The following USP4 variants were observed in gnomAD, a reference collection of about 807,000 sequenced individuals.
The protein encoded by USP4 is ubiquitin specific peptidase 4.
Under a neutral mutation model 118.2 loss-of-function variants are expected in USP4, and 72 were observed. The ratio of observed to expected loss-of-function variants is 0.61; its 90% CI spans 0.50 to 0.74. The LOEUF is 0.74. USP4 is among the 30% of genes least tolerant of loss of function. The pLI, the probability that USP4 is intolerant of heterozygous loss-of-function variation, is 0.00. For missense variants in USP4, 1,037 were observed against 1,185.7 expected (o/e 0.87, Z 1.84); for synonymous variants, 415 against 440.4 (o/e 0.94, Z 0.72).
chr3:49,284,071 T>C lies in USP4; in HGVS notation c.2456A>G (p.Lys819Arg). 5 of 1,614,262 alleles carry C rather than the reference T, an allele frequency of 3.1e-6. No individual in the cohort carries two copies. The highest frequency in any genetic ancestry group is 4.2e-6 in the Non-Finnish European group (5 of 1,180,048). The change falls in exon 19 of 22, where the codon AAG becomes AGG. Residue 819 changes from lysine (K) to arginine (R), a missense_variant. Physicochemically the swap from Lys to Arg is conservative, Grantham distance 26. Transcript: ENST00000265560. ...TKKFDLWSLP[K>R]ILVVHLKRFS... is the part of the protein sequence containing the mutation. The stretch of plus-strand genomic sequence containing the variant: ...ACGTTTGAGGTGGACCACCAGGATC[T>C]TGGGCAAGGACCATAGGTCAAACTT...
At chr3:49,319,972 C>T (rs1320888026) in intron 6 of USP4, among the ~76,000 whole-genome samples, 1 of 151,960 alleles carries the variant, frequency 6.6e-6, no homozygotes, top group Non-Finnish European at 1.5e-5. Flanking sequence ...GGCTGCAGTG[C>T]AGTGCACAAT....
At chr3:49,287,483 T>C (rs536923640) in intron 15 of USP4, among the ~76,000 whole-genome samples, 6 of 151,520 alleles carry the variant, frequency 4.0e-5, no homozygotes, top group African/African-American at 1.5e-4. Flanking sequence ...TCAATTGCCT[T>C]TTTTTTTGAA....
At chr3:49,332,019 T>C (rs1352029490) in intron 2 of USP4, among the ~76,000 whole-genome samples, 2 of 151,318 alleles carry the variant, frequency 1.3e-5, no homozygotes, top group African/African-American at 4.9e-5. Flanking sequence ...ACACCTGTAA[T>C]TCCAGCACTT....
chr3:49,297,715 C>T (rs986397637), intron 13 of USP4, among the ~76,000 whole-genome samples, 155 bp downstream of exon 13: 7 of 152,146 alleles, frequency 4.6e-5, no homozygotes, highest in Admixed American at 1.3e-4. Flanking sequence ...TGGCTGCCCA[C>T]GATGCCCTCA....
At chr3:49,338,686 A>G (rs2047699026) in intron 1 of USP4, among the ~76,000 whole-genome samples, 1 of 151,142 alleles carries the variant, frequency 6.6e-6, no homozygotes, top group African/African-American at 2.4e-5. Context: ...AAAAGAAAAG[A>G]AAAGAAAAGA....
chr3:49,335,663 T>C (rs570616454), intron 1 of USP4, 67 bp from the exon 2 acceptor site: 1 of 1,580,572 alleles, frequency 6.3e-7, no homozygotes, highest in South Asian at 1.1e-5. Flanking sequence ...GCTGCTTCCT[T>C]AATCTTTTTT....
intron 3 of USP4, among the ~76,000 whole-genome samples, chr3:49,327,485 G>A (rs1417963846): frequency 2.6e-5 from 4 of 152,098 alleles, no homozygotes; most frequent in South Asian, 4.1e-4. Context: ...GCAGTGAGCC[G>A]AGATCGTGCC....
intron 6 of USP4, among the ~76,000 whole-genome samples, chr3:49,315,165 T>C (rs2047422398): frequency 6.6e-6 from 1 of 151,036 alleles, no homozygotes; most frequent in East Asian, 1.9e-4. Flanking sequence ...ATCCCAGCAC[T>C]TTGGGAGGCT....
Position 49,308,565 on chromosome 3 carries a change from C to T in USP4, c.954+2055G>A, listed in dbSNP as rs976120402. Among the ~76,000 whole-genome samples the T allele has an allele frequency of 5.3e-5, 8 of 151,878 alleles. No homozygotes were observed. The South Asian group carries it at 8.3e-4, about 16-fold the overall frequency. The stretch of plus-strand genomic sequence containing the variant: ...CAAACTCTTGACCTCATGATCCGCC[C>T]GCCTTGGCCTCCCAAAGTGCTGGGA... On this transcript the variant is annotated intron_variant, in intron 8 of 21. Transcript: ENST00000265560.
chr3:49,328,335 T>C (rs2047579192), intron 2 of USP4, among the ~76,000 whole-genome samples: 2 of 151,854 alleles, frequency 1.3e-5, no homozygotes, highest in South Asian at 4.2e-4. Flanking sequence ...TCCAGCCTGG[T>C]GAAAGAGCAA....
At chr3:49,295,898 C>T (rs2047202928) in intron 13 of USP4, among the ~76,000 whole-genome samples, 1 of 152,070 alleles carries the variant, frequency 6.6e-6, no homozygotes. Context: ...GGTTCCAGGT[C>T]CACATTGCCA....
At chr3:49,299,396 C>CTTT (rs759272476) in intron 11 of USP4, among the ~76,000 whole-genome samples, 1 of 126,102 alleles carries the variant, frequency 7.9e-6, no homozygotes, top group Admixed American at 8.3e-5. Context: ...CCTGCCTCAA[C>CTTT]TTTTTTTTTT....
In USP4 at chr3:49,327,693, AC is replaced by A. The variant is rs1264848493; in HGVS notation, c.352del (p.Val118SerfsTer23). 1 of 1,614,010 alleles carries A rather than the reference AC, an allele frequency of 6.2e-7. No homozygotes were observed. Among genetic ancestry groups the A allele is most frequent in the African/African-American group, 1.3e-5 (1 of 74,934 alleles). ...YGCVEGQQPI[V>X]RKVVEHGLFV... ...ACAATTCACATAACTCACTTTTCTG[AC>A]GATGGGTTGCTGGCCTTCTACACAG... On this transcript the variant is annotated frameshift_variant, in exon 3 of 22. Transcript: ENST00000265560. LOFTEE classifies it high-confidence loss of function.
chr3:49,316,988 A>G, intron 6 of USP4: 1 of 695,936 alleles, frequency 1.4e-6, no homozygotes, highest in East Asian at 2.7e-5. Context: ...ACAGTGAAAG[A>G]AGGCAGCTGC....
At chr3:49,283,854 T>G (rs1035382316) in intron 19 of USP4, 133 bp downstream of exon 19, 27 of 1,052,134 alleles carry the variant, frequency 2.6e-5, no homozygotes, top group Non-Finnish European at 3.6e-5. Flanking sequence ...ACAGCTAAAC[T>G]CTGACCTCCT....
At chr3:49,289,994 T>C (rs1243329114) in intron 15 of USP4, among the ~76,000 whole-genome samples, 1 of 152,080 alleles carries the variant, frequency 6.6e-6, no homozygotes, top group African/African-American at 2.4e-5. Context: ...TGGTGACACA[T>C]TCCTGTAGTC....
intron 2 of USP4, among the ~76,000 whole-genome samples, chr3:49,328,300 G>C (rs1189708881): frequency 6.6e-6 from 1 of 152,018 alleles, no homozygotes. Context: ...AGAGGTTGCA[G>C]TAAGCCAAGA....
intron 10 of USP4, 115 bp downstream of exon 10, chr3:49,302,269 G>T: frequency 1.7e-6 from 2 of 1,207,870 alleles, no homozygotes; most frequent in Non-Finnish European, 2.3e-6. Context: ...TAGCTACAGT[G>T]AGAAGCAACC....
intron 8 of USP4, among the ~76,000 whole-genome samples, chr3:49,309,315 G>A (rs997663434): frequency 1.3e-5 from 2 of 152,156 alleles, no homozygotes; most frequent in African/African-American, 4.8e-5. Flanking sequence ...TGGGAACTGT[G>A]CCCTCCTAAC....
Sources: allele counts gnomAD v4.1 joint callset (sites outside exome capture counted in the v4.1 genomes callset), GRCh38; gene constraint gnomAD v4.1.1; transcripts MANE v1.5; gene names NCBI Gene and HGNC (gene_info 2026-07-23, HGNC 2026-07-21).